Variants in CUBN observed in about 807,000 individuals in gnomAD.
CUBN encodes the protein 460 kDa receptor.
CUBN carries 282 observed loss-of-function variants against 405.3 expected under a neutral mutation model. That is an observed-to-expected ratio of 0.70 (90% confidence interval 0.63 to 0.77). CUBN has a LOEUF of 0.77. CUBN is among the 30% of genes least tolerant of loss of function. The pLI, the probability that CUBN is intolerant of heterozygous loss-of-function variation, is 0.00. For synonymous variants in CUBN, 1,684 were observed against 1,617.0 expected (o/e 1.04, Z -0.99); for missense variants, 4,514 against 4,475.2 (o/e 1.01, Z -0.25).
chr10:17,031,698 C>A (rs894138020), intron 27 of CUBN, among the ~76,000 whole-genome samples: 3 of 152,178 alleles, frequency 2.0e-5, no homozygotes, highest in African/African-American at 7.2e-5. Flanking sequence ...AGTTCTAATT[C>A]CAGTGACTCC....
chr10:16,838,495 T>A (rs1375734209), intron 62 of CUBN, among the ~76,000 whole-genome samples: 1 of 152,246 alleles, frequency 6.6e-6, no homozygotes, highest in African/African-American at 2.4e-5. Context: ...AATCTCATTC[T>A]TCTCATTTTT....
At chr10:16,948,943 A>G (rs1842853725) in intron 34 of CUBN, among the ~76,000 whole-genome samples, 1 of 152,136 alleles carries the variant, frequency 6.6e-6, no homozygotes, top group African/African-American at 2.4e-5. Context: ...AATATCCACT[A>G]TTTTGTAGCA....
intron 6 of CUBN, among the ~76,000 whole-genome samples, chr10:17,118,613 T>C (rs1164613884): frequency 6.6e-6 from 1 of 152,142 alleles, no homozygotes; most frequent in Admixed American, 6.5e-5. Flanking sequence ...GTATTGCATT[T>C]TTTGGTAGAG....
chr10:17,060,585 A>G (rs1180544075), intron 22 of CUBN, among the ~76,000 whole-genome samples: 1 of 152,260 alleles, frequency 6.6e-6, no homozygotes, highest in East Asian at 1.9e-4. Flanking sequence ...GGACACCTGT[A>G]CATACAAAAT....
rs1453876085 is a variant in CUBN at position 16,942,882 on chromosome 10, GGGGAACGGAAGGCAA to G, written c.5343-2660_5343-2646del. ...AGGGAAAGGAAGGGAAGGGAAGGGA[GGGGAACGGAAGGCAA>G]GGGGAAGGGGAAGGGGAAAGGAAAG... On this transcript the variant is annotated intron_variant, in intron 36 of 66. Coordinates refer to ENST00000377833, the MANE Select transcript of CUBN (RefSeq NM_001081.4). 8.9e-5 allele frequency among the ~76,000 whole-genome samples: 11 copies of G among 123,416 alleles called. No homozygotes were observed. In the East Asian group the frequency reaches 2.1e-3, roughly 24 times the overall value. The allele number at this position is 123,416 out of a possible 152,430, so 81.0% of individuals were successfully genotyped here. A position where few individuals can be genotyped will look rare whatever the true frequency, so the allele number is the denominator to read the frequency against.
At chr10:16,847,215 G>A (rs1176638130) in intron 60 of CUBN, among the ~76,000 whole-genome samples, 5 of 152,284 alleles carry the variant, frequency 3.3e-5, no homozygotes, top group African/African-American at 1.2e-4. Flanking sequence ...CACTTTGGGA[G>A]GCCGAGGCGG....
At chr10:16,979,866 T>A (rs944230658) in intron 31 of CUBN, among the ~76,000 whole-genome samples, 14 of 152,140 alleles carry the variant, frequency 9.2e-5, no homozygotes, top group African/African-American at 3.1e-4. Flanking sequence ...CTAAAGAGCT[T>A]CTTCATAGCA....
intron 60 of CUBN, among the ~76,000 whole-genome samples, chr10:16,844,260 ACT>A (rs1292566012): frequency 3.5e-5 from 4 of 115,424 alleles, no homozygotes; most frequent in Non-Finnish European, 7.4e-5. Context: ...CAAGAGCGAA[ACT>A]CTGTCCCCAA....
chr10:17,129,378 C>T (rs1290297802), intron 1 of CUBN, 128 bp from the exon 2 acceptor site: 4 of 1,120,384 alleles, frequency 3.6e-6, no homozygotes, highest in Non-Finnish European at 5.3e-6. Flanking sequence ...CTCAACCCAA[C>T]TGCCCCTGCT....
chr10:16,989,527 ATT>A (rs990641422), intron 29 of CUBN, among the ~76,000 whole-genome samples: 6 of 148,308 alleles, frequency 4.0e-5, no homozygotes, highest in African/African-American at 1.5e-4. Context: ...ATTATAATGA[ATT>A]ATATAATTTT....
At chr10:17,036,518 C>T (rs1172655664) in intron 27 of CUBN, among the ~76,000 whole-genome samples, 2 of 152,222 alleles carry the variant, frequency 1.3e-5, no homozygotes, top group East Asian at 3.9e-4. Flanking sequence ...GTCACATGCG[C>T]CTGTCCTCTT....
intron 27 of CUBN, among the ~76,000 whole-genome samples, chr10:17,032,683 G>A (rs543707299): frequency 1.7e-4 from 26 of 152,146 alleles, no homozygotes; most frequent in Non-Finnish European, 2.6e-4. Flanking sequence ...GAACTTCAAA[G>A]TTTGCTTGTT....
At chr10:17,112,839 T>C (rs994510420) in intron 8 of CUBN, among the ~76,000 whole-genome samples, 2 of 152,214 alleles carry the variant, frequency 1.3e-5, no homozygotes, top group Non-Finnish European at 2.9e-5. Context: ...TTGGGCAAGT[T>C]ATTCAACCTC....
chr10:17,082,637 C>T (rs756065895), intron 17 of CUBN, among the ~76,000 whole-genome samples: 1 of 152,152 alleles, frequency 6.6e-6, no homozygotes, highest in Non-Finnish European at 1.5e-5. Flanking sequence ...ATGTTTTAGT[C>T]TCGTGATCGG....
At chr10:16,985,420 T>C (rs1398223754) in intron 29 of CUBN, among the ~76,000 whole-genome samples, 1 of 152,104 alleles carries the variant, frequency 6.6e-6, no homozygotes, top group Non-Finnish European at 1.5e-5. Context: ...CAGTTCCCCA[T>C]CCATTCCAAT....
In CUBN at chr10:17,118,638, T is replaced by C. The variant is rs147769460; in HGVS notation, c.594-3041A>G. On this transcript the variant is annotated intron_variant, in intron 6 of 66. Coordinates refer to ENST00000377833, the MANE Select transcript of CUBN (RefSeq NM_001081.4). ...TTTTGGTAGAGACAGGGTTTCACCA[T>C]GTTAGCAAGGCTGGTCTCGAACTCC... Among the ~76,000 whole-genome samples the C allele has an allele frequency of 6.7e-3, 1,013 of 152,274 alleles. 9 individuals are homozygous for C. Among genetic ancestry groups the C allele is most frequent in the Non-Finnish European group, 0.012 (803 of 68,022 alleles).
intron 5 of CUBN, 66 bp from the exon 6 acceptor site, chr10:17,122,964 C>T (rs1837080928): frequency 2.3e-5 from 25 of 1,075,458 alleles, no homozygotes; most frequent in Non-Finnish European, 2.3e-5. Context: ...CGAACATTCA[C>T]ATGATACGTT....
intron 54 of CUBN, among the ~76,000 whole-genome samples, chr10:16,892,188 T>C (rs955252780): frequency 6.6e-6 from 1 of 152,194 alleles, no homozygotes; most frequent in Non-Finnish European, 1.5e-5. Flanking sequence ...TTTCAATTGA[T>C]TTTTAAGCAC....
intron 35 of CUBN, among the ~76,000 whole-genome samples, chr10:16,948,104 G>C (rs1248074877): frequency 2.0e-5 from 3 of 152,248 alleles, no homozygotes. Context: ...AGCTACTCAG[G>C]AGGCTGAGGC....
Sources: allele counts gnomAD v4.1 joint callset (sites outside exome capture counted in the v4.1 genomes callset), GRCh38; gene constraint gnomAD v4.1.1; transcripts MANE v1.5; gene names NCBI Gene and HGNC (gene_info 2026-07-23, HGNC 2026-07-21).